EBF1: variants seen among roughly 807,000 people sequenced by gnomAD.
EBF1 encodes EBF transcription factor 1.
In EBF1, 10 loss-of-function variants were observed where a neutral mutation model predicts 68.4. The ratio of observed to expected loss-of-function variants is 0.15; its 90% CI spans 0.09 to 0.25. The LOEUF is 0.25. EBF1 is among the 10% of genes least tolerant of loss of function. The pLI, the probability that EBF1 is intolerant of heterozygous loss-of-function variation, is 1.00. For synonymous variants in EBF1, 298 were observed against 299.8 expected (o/e 0.99, Z 0.06); for missense variants, 509 against 794.4 (o/e 0.64, Z 4.32).
chr5:159,087,142 T>C (rs1034118764), intron 4 of EBF1, among the ~76,000 whole-genome samples: 1 of 151,736 alleles, frequency 6.6e-6, no homozygotes, highest in East Asian at 1.9e-4. Context: ...TCAGCTTTAA[T>C]ATTTGTGATG....
chr5:158,978,051 G>C (rs1432400986), intron 6 of EBF1, among the ~76,000 whole-genome samples: 2 of 152,240 alleles, frequency 1.3e-5, no homozygotes, highest in African/African-American at 4.8e-5. Context: ...TTTTCACCTA[G>C]TCTTGACTTG....
intron 6 of EBF1, among the ~76,000 whole-genome samples, chr5:159,001,283 A>G (rs1762486506): frequency 6.6e-6 from 1 of 152,142 alleles, no homozygotes; most frequent in African/African-American, 2.4e-5. Flanking sequence ...TTAATTTCTC[A>G]TTTTAATTTA....
intron 8 of EBF1, among the ~76,000 whole-genome samples, chr5:158,807,343 T>C (rs1781776384): frequency 6.6e-6 from 1 of 152,144 alleles, no homozygotes. Flanking sequence ...TGGCTAAATG[T>C]AGAGTATGTG....
At chr5:158,913,852 A>G (rs1806554874) in intron 6 of EBF1, among the ~76,000 whole-genome samples, 1 of 152,270 alleles carries the variant, frequency 6.6e-6, no homozygotes, top group Non-Finnish European at 1.5e-5. Context: ...ATCTGTACGT[A>G]AAACAACAAA....
intron 6 of EBF1, among the ~76,000 whole-genome samples, chr5:159,007,826 T>A (rs1011630836): frequency 6.6e-6 from 1 of 152,060 alleles, no homozygotes; most frequent in Non-Finnish European, 1.5e-5. Context: ...TAGAAACACA[T>A]AAGTTCTATT....
intron 8 of EBF1, 86 bp downstream of exon 8, chr5:158,823,090 T>A: frequency 6.3e-7 from 1 of 1,577,004 alleles, no homozygotes; most frequent in Admixed American, 1.7e-5. Context: ...TGAAACAGAA[T>A]AGAACATGTG....
intron 7 of EBF1, among the ~76,000 whole-genome samples, chr5:158,834,867 C>G (rs78277239): frequency 0.053 from 8,100 of 152,288 alleles, 298 homozygotes; most frequent in Non-Finnish European, 0.071. Context: ...AGGAAAGCAG[C>G]GGCAGTGACC....
chr5:158,762,683 C>T (rs1202535225), intron 10 of EBF1, among the ~76,000 whole-genome samples: 1 of 152,098 alleles, frequency 6.6e-6, no homozygotes, highest in Non-Finnish European at 1.5e-5. Flanking sequence ...CTACAGGCGC[C>T]CGCCACTGCG....
intron 10 of EBF1, among the ~76,000 whole-genome samples, chr5:158,772,356 G>A (rs189209625): frequency 1.3e-5 from 2 of 152,166 alleles, no homozygotes; most frequent in Admixed American, 1.3e-4. Flanking sequence ...AGTTGAAGCT[G>A]ATTATAATCT....
At chr5:158,888,569 A>G (rs968577971) in intron 6 of EBF1, among the ~76,000 whole-genome samples, 1 of 152,190 alleles carries the variant, frequency 6.6e-6, no homozygotes, top group Non-Finnish European at 1.5e-5. Flanking sequence ...TATCTTTTCA[A>G]TTTAAAATAA....
At chr5:158,775,689 C>A (rs1774976700) in intron 10 of EBF1, among the ~76,000 whole-genome samples, 1 of 151,270 alleles carries the variant, frequency 6.6e-6, no homozygotes, top group Non-Finnish European at 1.5e-5. Flanking sequence ...GGGAATGTTA[C>A]AGTATCAGAA....
intron 6 of EBF1, among the ~76,000 whole-genome samples, chr5:158,958,445 G>A: frequency 6.6e-6 from 1 of 152,076 alleles, no homozygotes; most frequent in East Asian, 1.9e-4. Flanking sequence ...CGATCACAGA[G>A]TTCAGTTCAC....
At chr5:159,043,757 T>G (rs1428633268) in intron 6 of EBF1, among the ~76,000 whole-genome samples, 1 of 152,188 alleles carries the variant, frequency 6.6e-6, no homozygotes, top group African/African-American at 2.4e-5. Flanking sequence ...CATAAATGTC[T>G]CTCGGCACTT....
At chr5:158,795,837 T>C (rs1779524722) in intron 9 of EBF1, among the ~76,000 whole-genome samples, 1 of 152,170 alleles carries the variant, frequency 6.6e-6, no homozygotes, top group Admixed American at 6.5e-5. Flanking sequence ...AAAAAGCCCT[T>C]TGTGGTTCTA....
intron 3 of EBF1, 31 bp downstream of exon 3, chr5:159,096,312 G>A (rs955856329): frequency 6.2e-7 from 1 of 1,607,834 alleles, no homozygotes; most frequent in South Asian, 1.1e-5. Context: ...GGAGCCCCAG[G>A]GTGAGGCCAT....
chr5:158,865,284 C>T (rs1795678205), intron 6 of EBF1, among the ~76,000 whole-genome samples: 1 of 152,158 alleles, frequency 6.6e-6, no homozygotes, highest in Non-Finnish European at 1.5e-5. Context: ...AGAGGCAGCA[C>T]AGCAGGTTGG....
chr5:159,051,718 G>A (rs1373209985), intron 6 of EBF1, among the ~76,000 whole-genome samples: 1 of 151,916 alleles, frequency 6.6e-6, no homozygotes, highest in African/African-American at 2.4e-5. Context: ...AGAAGGGGGG[G>A]CAAGACACGG....
intron 6 of EBF1, among the ~76,000 whole-genome samples, chr5:158,923,805 A>C (rs1290351885): frequency 6.6e-6 from 1 of 152,294 alleles, no homozygotes; most frequent in East Asian, 1.9e-4. Context: ...TGAATCAACA[A>C]ATCTCAAATT....
At chr5:159,050,488 G>A (rs1044348681) in intron 6 of EBF1, among the ~76,000 whole-genome samples, 2 of 152,168 alleles carry the variant, frequency 1.3e-5, no homozygotes, top group African/African-American at 4.8e-5. Context: ...CATGTCACCA[G>A]AGACAGCAGA....
Sources: allele counts gnomAD v4.1 joint callset (sites outside exome capture counted in the v4.1 genomes callset), GRCh38; gene constraint gnomAD v4.1.1; transcripts MANE v1.5; gene names NCBI Gene and HGNC (gene_info 2026-07-23, HGNC 2026-07-21).